NDUFAF2: variants seen among roughly 807,000 people sequenced by gnomAD.
NDUFAF2 encodes the protein NADH dehydrogenase [ubiquinone] 1 alpha subcomplex assembly factor 2.
A neutral mutation model predicts 22.8 loss-of-function variants in NDUFAF2; 13 were observed. That is an observed-to-expected ratio of 0.57 (90% CI 0.37 to 0.91). The LOEUF is 0.91. Ranked by LOEUF, NDUFAF2 falls within the 40% of genes least tolerant of loss-of-function variation. The pLI is 0.01. For missense variants in NDUFAF2, 162 were observed against 195.2 expected (o/e 0.83, Z 1.01); for synonymous variants, 53 against 64.2 (o/e 0.83, Z 0.84).
chr5:61,053,156 C>T (rs1023212888), intron 1 of NDUFAF2, among the ~76,000 whole-genome samples: 5 of 152,180 alleles, frequency 3.3e-5, no homozygotes, highest in African/African-American at 9.7e-5. Flanking sequence ...GACTGAGTAG[C>T]CATCAGCCTG....
intron 1 of NDUFAF2, among the ~76,000 whole-genome samples, chr5:60,966,241 G>GT (rs1750757239): frequency 1.3e-5 from 2 of 152,098 alleles, no homozygotes; most frequent in African/African-American, 4.8e-5. Context: ...CTGTTGAATT[G>GT]TTTAAGTTCC....
At chr5:61,005,722 G>A (rs1428048220) in intron 1 of NDUFAF2, among the ~76,000 whole-genome samples, 1 of 152,096 alleles carries the variant, frequency 6.6e-6, no homozygotes, top group African/African-American at 2.4e-5. Context: ...TGTGTCTGTT[G>A]GCTGCATAAA....
At chr5:61,020,565 G>GTGTGTGTGTGTACACATGCACGCA (rs1751565159) in intron 1 of NDUFAF2, among the ~76,000 whole-genome samples, 1 of 151,844 alleles carries the variant, frequency 6.6e-6, no homozygotes, top group South Asian at 2.1e-4. Flanking sequence ...GTGTGTGTGT[G>GTGTGTGTGTGTACACATGCACGCA]TGTGTGTGTA....
intron 1 of NDUFAF2, among the ~76,000 whole-genome samples, chr5:60,948,289 G>A (rs568998837): frequency 7.2e-5 from 11 of 152,088 alleles, no homozygotes; most frequent in East Asian, 1.9e-4. Flanking sequence ...GCGCTATCTC[G>A]GCTTACTGCA....
At chr5:61,062,675 G>A (rs1157168648) in intron 1 of NDUFAF2, among the ~76,000 whole-genome samples, 3 of 152,130 alleles carry the variant, frequency 2.0e-5, no homozygotes, top group African/African-American at 4.8e-5. Flanking sequence ...CAAGTCTTGG[G>A]AGAGATATGG....
chr5:61,022,348 C>T (rs1229339163), intron 1 of NDUFAF2, among the ~76,000 whole-genome samples: 1 of 152,186 alleles, frequency 6.6e-6, no homozygotes, highest in African/African-American at 2.4e-5. Flanking sequence ...CTTCTTTACA[C>T]ATATATTTCC....
intron 1 of NDUFAF2, among the ~76,000 whole-genome samples, chr5:60,991,380 T>C (rs1751156682): frequency 6.6e-6 from 1 of 152,176 alleles, no homozygotes; most frequent in South Asian, 2.1e-4. Flanking sequence ...AGTTGCCCTG[T>C]TGTCCTGTCA....
intron 1 of NDUFAF2, among the ~76,000 whole-genome samples, chr5:60,997,104 G>A (rs1330993291): frequency 6.6e-6 from 1 of 152,102 alleles, no homozygotes; most frequent in Non-Finnish European, 1.5e-5. Context: ...CTATTTATCA[G>A]AATAATATCA....
At chr5:61,046,515 T>C (rs1342271981) in intron 1 of NDUFAF2, among the ~76,000 whole-genome samples, 3 of 152,188 alleles carry the variant, frequency 2.0e-5, no homozygotes, top group Non-Finnish European at 4.4e-5. Flanking sequence ...TTCCATGATT[T>C]AGTCTTGGTA....
chr5:61,036,846 G>T (rs902734205), intron 1 of NDUFAF2, among the ~76,000 whole-genome samples: 9 of 152,172 alleles, frequency 5.9e-5, no homozygotes, highest in African/African-American at 2.2e-4. Flanking sequence ...CTGGTCTCCT[G>T]TTGGTATTGC....
Position 61,062,145 on chromosome 5 carries a change from GA to G in NDUFAF2, c.128-10977del, listed in dbSNP as rs568178081. Among the ~76,000 whole-genome samples the G allele has an allele frequency of 2.4e-3, 365 of 152,156 alleles. 2 individuals are homozygous for G. Among genetic ancestry groups the G allele is most frequent in the African/African-American group, 8.4e-3 (348 of 41,522 alleles). On this transcript the variant is annotated intron_variant, in intron 1 of 3. Coordinates refer to ENST00000296597, the MANE Select transcript of NDUFAF2 (RefSeq NM_174889.5). ...CAGATATATCAACACAGATACACAA[GA>G]AACATGGAAAAGCAAGGAAATATGA...
intron 1 of NDUFAF2, among the ~76,000 whole-genome samples, chr5:61,024,891 A>T (rs1360715680): frequency 1.3e-5 from 2 of 152,092 alleles, no homozygotes; most frequent in Non-Finnish European, 2.9e-5. Flanking sequence ...CCAATTGCTA[A>T]CAGTTTTCCA....
intron 1 of NDUFAF2, among the ~76,000 whole-genome samples, chr5:61,068,752 T>A (rs1335126229): frequency 6.6e-6 from 1 of 152,128 alleles, no homozygotes; most frequent in Non-Finnish European, 1.5e-5. Context: ...GTGGTTTTTC[T>A]TTTTTGGAAA....
At chr5:61,131,300 A>G (rs1316601982) in intron 3 of NDUFAF2, among the ~76,000 whole-genome samples, 1 of 151,808 alleles carries the variant, frequency 6.6e-6, no homozygotes, top group African/African-American at 2.4e-5. Flanking sequence ...GGCTCAAGCA[A>G]TTCATCCTCT....
intron 2 of NDUFAF2, among the ~76,000 whole-genome samples, chr5:61,079,306 G>A: frequency 6.6e-6 from 1 of 152,224 alleles, no homozygotes; most frequent in African/African-American, 2.4e-5. Context: ...TTCAAAGTAA[G>A]CTTCATAAAA....
At chr5:61,146,826 T>C (rs1404805913) in intron 3 of NDUFAF2, among the ~76,000 whole-genome samples, 1 of 152,164 alleles carries the variant, frequency 6.6e-6, no homozygotes, top group Non-Finnish European at 1.5e-5. Flanking sequence ...TTTTTAGCCC[T>C]TTTTTAAAAC....
At chr5:61,126,365 G>C (rs1425756526) in intron 3 of NDUFAF2, among the ~76,000 whole-genome samples, 1 of 151,964 alleles carries the variant, frequency 6.6e-6, no homozygotes, top group East Asian at 1.9e-4. Context: ...CAAGAAAAAG[G>C]TTTATTTTAG....
At chr5:61,082,766 T>C (rs771718235) in intron 2 of NDUFAF2, among the ~76,000 whole-genome samples, 9 of 152,204 alleles carry the variant, frequency 5.9e-5, no homozygotes, top group Non-Finnish European at 1.3e-4. Context: ...TTATCCAGTC[T>C]ACAATTGATG....
chr5:61,019,747 A>G (rs1434738121), intron 1 of NDUFAF2, among the ~76,000 whole-genome samples: 2 of 152,106 alleles, frequency 1.3e-5, no homozygotes, highest in Non-Finnish European at 2.9e-5. Context: ...ATTTTTACAT[A>G]TATTCTTATA....
Sources: allele counts gnomAD v4.1 joint callset (sites outside exome capture counted in the v4.1 genomes callset), GRCh38; gene constraint gnomAD v4.1.1; transcripts MANE v1.5; gene names NCBI Gene and HGNC (gene_info 2026-07-23, HGNC 2026-07-21).